ANKIB1: variants seen among roughly 807,000 people sequenced by gnomAD.
The protein encoded by ANKIB1 is ankyrin repeat and IBR domain containing 1, also known as ankyrin repeat and IBR domain-containing protein 1.
ANKIB1 carries 43 observed loss-of-function variants against 122.1 expected under a neutral mutation model. That is an observed-to-expected ratio of 0.35 (90% CI 0.28 to 0.45). The LOEUF is 0.45. Ranked by LOEUF, ANKIB1 falls within the 20% of genes least tolerant of loss-of-function variation. The pLI is 1.00. For synonymous variants in ANKIB1, 390 were observed against 442.0 expected (o/e 0.88, Z 1.48); for missense variants, 992 against 1,329.5 (o/e 0.75, Z 3.95).
At chr7:92,312,913 A>G (rs1802720669) in intron 3 of ANKIB1, among the ~76,000 whole-genome samples, 1 of 152,144 alleles carries the variant, frequency 6.6e-6, no homozygotes, top group South Asian at 2.1e-4. Context: ...GGGAACAGGA[A>G]TGGACTTGAG....
At chr7:92,272,314 A>G (rs1319090754) in intron 1 of ANKIB1, among the ~76,000 whole-genome samples, 1 of 152,204 alleles carries the variant, frequency 6.6e-6, no homozygotes, top group African/African-American at 2.4e-5. Context: ...AGTGACATTT[A>G]AATGTATTGG....
intron 10 of ANKIB1, among the ~76,000 whole-genome samples, chr7:92,370,457 G>C (rs1019761528): frequency 7.4e-6 from 1 of 134,452 alleles, no homozygotes; most frequent in Non-Finnish European, 1.5e-5. Context: ...GCAGTGAGCC[G>C]AGATCGAGCC....
intron 1 of ANKIB1, among the ~76,000 whole-genome samples, chr7:92,251,909 CA>C (rs1258419810): frequency 6.6e-6 from 1 of 152,188 alleles, no homozygotes; most frequent in African/African-American, 2.4e-5. Context: ...ATACATGTTA[CA>C]GTTGGTTGTT....
rs1803652476 is a variant in ANKIB1, at chr7:92,351,046, T to C, written c.1182T>C (p.Ser394=). 6.3e-7 allele frequency: 1 copy of C among 1,593,610 alleles called. No homozygotes were observed. The highest frequency in any genetic ancestry group is 8.6e-7 in the Non-Finnish European group (1 of 1,169,000). Residue 394 remains serine (S), a synonymous_variant, in exon 8 of 20, where the codon AGT becomes AGC. Transcript: ENST00000265742. ...FQLVPVDIIE[S]VVSKEMDKRY... is the part of the protein sequence containing the mutation. The stretch of plus-strand genomic sequence containing the variant: ...TTGTACCTGTGGATATCATAGAAAG[T>C]GTAGTTTCAAAGGAGATGGACAAAC...
intron 4 of ANKIB1, among the ~76,000 whole-genome samples, chr7:92,322,540 T>C (rs888150573): frequency 6.6e-6 from 1 of 152,152 alleles, no homozygotes; most frequent in Non-Finnish European, 1.5e-5. Context: ...TCATCCTGAC[T>C]GTATCCCCGA....
At chr7:92,309,807 C>G (rs1802646909) in intron 3 of ANKIB1, among the ~76,000 whole-genome samples, 1 of 150,526 alleles carries the variant, frequency 6.6e-6, no homozygotes, top group Non-Finnish European at 1.5e-5. Context: ...CACCTGTAGT[C>G]CCAGCTGCTT....
chr7:92,395,034 T>C (rs1215980174), intron 17 of ANKIB1, among the ~76,000 whole-genome samples: 1 of 152,246 alleles, frequency 6.6e-6, no homozygotes, highest in Admixed American at 6.5e-5. Flanking sequence ...TTGAATATCT[T>C]AGTGTTTATC....
intron 3 of ANKIB1, among the ~76,000 whole-genome samples, chr7:92,309,923 TAAAAAAAA>T (rs869276384): frequency 3.1e-5 from 3 of 96,052 alleles, no homozygotes; most frequent in African/African-American, 1.3e-4. Flanking sequence ...AGACTCCATC[TAAAAAAAA>T]AAAAAAAAAA....
At chr7:92,251,118 A>C (rs1370335982) in intron 1 of ANKIB1, among the ~76,000 whole-genome samples, 1 of 152,168 alleles carries the variant, frequency 6.6e-6, no homozygotes, top group South Asian at 2.1e-4. Flanking sequence ...TCAAGTCACT[A>C]TATTTTTCTC....
intron 1 of ANKIB1, among the ~76,000 whole-genome samples, chr7:92,261,242 G>C (rs984550077): frequency 6.6e-6 from 1 of 150,848 alleles, no homozygotes; most frequent in Admixed American, 6.6e-5. Flanking sequence ...CCAGCTACTC[G>C]GGAGGCTGAG....
rs1422102441 is a variant in ANKIB1, at chr7:92,398,662, A to G, written c.2983A>G (p.Ile995Val). 3.7e-6 allele frequency: 6 copies of G among 1,613,966 alleles called. No homozygotes were observed. The highest frequency in any genetic ancestry group is 2.2e-5 in the South Asian group (2 of 91,080). ...IALIPPATTE[I>V]SADSQLPCIK... ...CCTGATTCCTCCAGCAACTACAGAA[A>G]TCAGTGCAGATTCCCAGCTCCCCTG... The change falls in exon 20 of 20, where the codon ATC becomes GTC. Residue 995 changes from isoleucine (I) to valine (V), a missense_variant. Physicochemically the swap from Ile to Val is conservative, Grantham distance 29. Coordinates refer to ENST00000265742, the MANE Select transcript of ANKIB1 (RefSeq NM_019004.2).
At chr7:92,335,885 CTTGGCAT>C (rs1323818507) in intron 5 of ANKIB1, among the ~76,000 whole-genome samples, 2 of 151,908 alleles carry the variant, frequency 1.3e-5, no homozygotes, top group Non-Finnish European at 2.9e-5. Flanking sequence ...GTTGAATAAT[CTTGGCAT>C]TTGGTTTTAA....
At chr7:92,261,241 C>T (rs950644073) in intron 1 of ANKIB1, among the ~76,000 whole-genome samples, 4 of 149,222 alleles carry the variant, frequency 2.7e-5, no homozygotes, top group East Asian at 2.0e-4. Flanking sequence ...CCCAGCTACT[C>T]GGGAGGCTGA....
intron 1 of ANKIB1, among the ~76,000 whole-genome samples, chr7:92,271,900 T>C (rs1801802443): frequency 6.6e-6 from 1 of 152,102 alleles, no homozygotes; most frequent in African/African-American, 2.4e-5. Flanking sequence ...GCAGGAATGA[T>C]CAAAGAATTT....
At chr7:92,276,916 G>C (rs1354132411) in intron 1 of ANKIB1, among the ~76,000 whole-genome samples, 1 of 152,200 alleles carries the variant, frequency 6.6e-6, no homozygotes, top group Non-Finnish European at 1.5e-5. Context: ...AGTTGGGCCT[G>C]GTGGAAGGTG....
At chr7:92,306,757 T>C (rs1802570698) in intron 2 of ANKIB1, among the ~76,000 whole-genome samples, 1 of 152,174 alleles carries the variant, frequency 6.6e-6, no homozygotes, top group South Asian at 2.1e-4. Context: ...TTATAATAGC[T>C]CAAGCAGATT....
At chr7:92,254,319 A>G (rs186495793) in intron 1 of ANKIB1, among the ~76,000 whole-genome samples, 3 of 152,348 alleles carry the variant, frequency 2.0e-5, no homozygotes, top group African/African-American at 7.2e-5. Flanking sequence ...CATTTTGGAC[A>G]TATGGATGGT....
chr7:92,376,175 A>G (rs1294397733), intron 11 of ANKIB1, among the ~76,000 whole-genome samples: 1 of 152,200 alleles, frequency 6.6e-6, no homozygotes, highest in Non-Finnish European at 1.5e-5. Context: ...AGAATGGTAA[A>G]TGAGCATTGG....
intron 18 of ANKIB1, among the ~76,000 whole-genome samples, chr7:92,397,234 TC>T (rs975228263): frequency 1.3e-4 from 20 of 152,254 alleles, no homozygotes; most frequent in African/African-American, 4.8e-4. Context: ...ATGCCTGTCA[TC>T]CCAGCACTTT....
Sources: gnomAD v4.1 joint callset for allele counts (sites outside exome capture counted in the v4.1 genomes callset) on GRCh38, gnomAD v4.1.1 for gene constraint, MANE v1.5 for transcripts, NCBI Gene and HGNC (gene_info 2026-07-23, HGNC 2026-07-21) for gene names.